Variants in ANO3 observed in about 807,000 individuals in gnomAD.
The protein encoded by ANO3 is anoctamin-3.
ANO3 carries 99 observed loss-of-function variants against 144.8 expected under a neutral mutation model. The observed-to-expected ratio is 0.68, with a 90% CI of 0.58 to 0.81. The LOEUF is 0.81. Ranked by LOEUF, ANO3 falls within the 30% of genes least tolerant of loss-of-function variation. ANO3 has a pLI of 0.00. For missense variants in ANO3, 905 were observed against 1,202.2 expected, an observed-to-expected ratio of 0.75 and a Z score of 3.66; for synonymous variants, 414 against 392.6, an observed-to-expected ratio of 1.05 and a Z score of -0.64.
At chr11:26,556,353 A>C (rs1375721696) in intron 13 of ANO3, among the ~76,000 whole-genome samples, 1 of 151,826 alleles carries the variant, frequency 6.6e-6, no homozygotes, top group East Asian at 1.9e-4. Context: ...TTTAAAAAAA[A>C]ACTTGTTTAA....
intron 1 of ANO3, among the ~76,000 whole-genome samples, chr11:26,263,952 T>A (rs1183504583): frequency 6.6e-6 from 1 of 152,228 alleles, no homozygotes; most frequent in African/African-American, 2.4e-5. Context: ...ATATCAGGTT[T>A]CTTTTGTTAA....
rs182544779 is a variant in ANO3, at chr11:26,533,641, A to G, written c.870-815A>G. 3.1e-3 allele frequency among the ~76,000 whole-genome samples: 467 copies of G among 152,316 alleles called. 8 individuals are homozygous for G. The highest frequency in any genetic ancestry group is 2.1e-3 in the Non-Finnish European group (146 of 68,030). Reference sequence around the variant, plus strand: ...AGGTCAGGTGGGAAAACGCAAGGCAAGTTAGGAGGATGTTCTACTCATAAT... The same window carrying G: ...AGGTCAGGTGGGAAAACGCAAGGCAGGTTAGGAGGATGTTCTACTCATAAT... On this transcript the variant is annotated intron_variant, in intron 8 of 26. Transcript: ENST00000256737.
At chr11:26,398,195 T>G (rs572107799) in intron 1 of ANO3, among the ~76,000 whole-genome samples, 1 of 152,246 alleles carries the variant, frequency 6.6e-6, no homozygotes, top group South Asian at 2.1e-4. Context: ...CCTAAACTCA[T>G]GGTCCATTTG....
chr11:26,307,623 G>T (rs2133867979), upstream of ANO3, among the ~76,000 whole-genome samples: 1 of 151,840 alleles, frequency 6.6e-6, no homozygotes, highest in South Asian at 2.1e-4. Context: ...GGAGGCTGAG[G>T]CAGGAGAATC....
At chr11:26,538,584 C>A (rs574844544) in intron 10 of ANO3, among the ~76,000 whole-genome samples, 1 of 152,174 alleles carries the variant, frequency 6.6e-6, no homozygotes, top group Admixed American at 6.5e-5. Context: ...CCAAGGAGAA[C>A]CTCTGTAGCA....
chr11:26,616,837 A>C (rs923060659), intron 17 of ANO3, among the ~76,000 whole-genome samples: 6 of 152,096 alleles, frequency 3.9e-5, no homozygotes, highest in African/African-American at 1.4e-4. Context: ...CAGTGGCAAG[A>C]TCTTAGCTCA....
chr11:26,486,351 ACT>A (rs1860447870), intron 4 of ANO3, among the ~76,000 whole-genome samples: 1 of 121,358 alleles, frequency 8.2e-6, no homozygotes, highest in African/African-American at 3.2e-5. Flanking sequence ...ACAGAGTGAG[ACT>A]CTGTCTCAAA....
chr11:26,536,584 A>G (rs559729942), intron 9 of ANO3, among the ~76,000 whole-genome samples: 37 of 152,130 alleles, frequency 2.4e-4, no homozygotes, highest in African/African-American at 6.0e-4. Flanking sequence ...GTACATATAA[A>G]TTAGATGTCT....
At chr11:26,257,790 T>C (rs1853093722) in intron 1 of ANO3, among the ~76,000 whole-genome samples, 1 of 147,236 alleles carries the variant, frequency 6.8e-6, no homozygotes. Flanking sequence ...ATAAGCGACA[T>C]TTTTGACAAA....
intron 1 of ANO3, among the ~76,000 whole-genome samples, chr11:26,397,178 C>A (rs1048109102): frequency 1.7e-4 from 19 of 114,040 alleles, no homozygotes; most frequent in Admixed American, 7.9e-5. Context: ...GGACTGAGGA[C>A]ATTTTAGTAC....
intron 1 of ANO3, among the ~76,000 whole-genome samples, chr11:26,339,387 C>T (rs996821535): frequency 2.0e-5 from 3 of 152,068 alleles, no homozygotes; most frequent in African/African-American, 7.2e-5. Context: ...ACTCCTGACC[C>T]AGGCGATCCG....
At chr11:26,215,287 T>A (rs1412990541) in intron 1 of ANO3, among the ~76,000 whole-genome samples, 1 of 152,044 alleles carries the variant, frequency 6.6e-6, no homozygotes, top group Non-Finnish European at 1.5e-5. Context: ...TTTGTTTATA[T>A]AACTGCTTAT....
chr11:26,373,366 C>T (rs1856315837), intron 1 of ANO3, among the ~76,000 whole-genome samples: 1 of 152,144 alleles, frequency 6.6e-6, no homozygotes, highest in Admixed American at 6.6e-5. Flanking sequence ...GTGGCTCTTC[C>T]TTCTTCGCTC....
chr11:26,508,753 TATCCTCCATA>T (rs2134137742), intron 5 of ANO3: 1 of 152,890 alleles, frequency 6.5e-6, no homozygotes, highest in South Asian at 2.1e-4. Flanking sequence ...AGGAAAAGCG[TATCCTCCATA>T]ATCCTAGTAT....
intron 14 of ANO3, among the ~76,000 whole-genome samples, chr11:26,583,434 G>C (rs1034040228): frequency 1.3e-5 from 2 of 152,196 alleles, no homozygotes; most frequent in East Asian, 3.9e-4. Flanking sequence ...AATTTAACAA[G>C]ACAAGCAGGT....
chr11:26,442,045 G>C lies in ANO3; in HGVS notation c.174G>C (p.Gln58His), dbSNP rs1858540290. The change falls in exon 2 of 27, where the codon CAG becomes CAC. Residue 58 changes from glutamine (Q) to histidine (H), a missense_variant. By Grantham distance (24) the Gln-to-His change is conservative (BLOSUM62 0). Around this residue, in one of 4 missense-constraint regions of ANO3, gnomAD observed 174 missense variants for 171.9 expected, o/e 1.01. Transcript: ENST00000256737. ...KSLSQSTSLFQSTESESQAPT... is the reference protein window; with the variant it reads ...KSLSQSTSLFHSTESESQAPT... ...TGAGCCAGTCTACTTCCCTCTTCCA[G>C]TCAACCGAGAGTGAATCTCAGGCTC... is the stretch of plus-strand genomic sequence containing the variant. The C allele has an allele frequency of 6.2e-7, 1 of 1,614,030 alleles. No individual in the cohort carries two copies. Among genetic ancestry groups the C allele is most frequent in the Admixed American group, 1.7e-5 (1 of 59,992 alleles).
intron 1 of ANO3, among the ~76,000 whole-genome samples, chr11:26,385,824 T>TACAC (rs71047847): frequency 3.4e-4 from 47 of 137,988 alleles, no homozygotes; most frequent in Middle Eastern, 3.7e-3. Flanking sequence ...TTCACACACA[T>TACAC]ACACACACAC....
intron 1 of ANO3, among the ~76,000 whole-genome samples, chr11:26,190,086 G>C (rs923485746): frequency 3.3e-5 from 5 of 152,148 alleles, no homozygotes; most frequent in Admixed American, 6.6e-5. Context: ...AAGTAAAACA[G>C]CCATAATTTG....
chr11:26,302,930 C>CATATGAAAAA (rs763141112), intron 1 of ANO3, among the ~76,000 whole-genome samples: 1 of 152,084 alleles, frequency 6.6e-6, no homozygotes, highest in Non-Finnish European at 1.5e-5. Flanking sequence ...AGCCAACAAA[C>CATATGAAAAA]ATATGAAAAA....
Sources: gnomAD v4.1 joint callset for allele counts (sites outside exome capture counted in the v4.1 genomes callset) on GRCh38, gnomAD v4.1.1 for gene constraint, gnomAD v4.1.1 regional missense constraint, MANE v1.5 for transcripts, NCBI Gene and HGNC (gene_info 2026-07-23, HGNC 2026-07-21) for gene names.